The following LRP1B variants were observed in gnomAD, a reference collection of about 807,000 sequenced individuals.
LRP1B encodes LDL receptor related protein 1B.
A neutral mutation model predicts 556.6 loss-of-function variants in LRP1B; 217 were observed. That is an observed-to-expected ratio of 0.39 (90% CI 0.35 to 0.44). The LOEUF (loss-of-function observed/expected upper bound fraction) is 0.44. LRP1B is among the 20% of genes least tolerant of loss of function. The pLI is 1.00. For synonymous variants in LRP1B, 2,047 were observed against 1,865.8 expected (o/e 1.10, Z -2.50); for missense variants, 5,053 against 5,620.8 (o/e 0.90, Z 3.23).
At chr2:140,501,622 A>C (rs1027632562) in intron 55 of LRP1B, 65 bp downstream of exon 55, 6 of 1,220,038 alleles carry the variant, frequency 4.9e-6, no homozygotes, top group Non-Finnish European at 6.7e-6. Flanking sequence ...ATATTGGATT[A>C]AATAGCTTTC....
intron 3 of LRP1B, among the ~76,000 whole-genome samples, chr2:141,475,296 G>A (rs1682657365): frequency 6.6e-6 from 1 of 152,172 alleles, no homozygotes; most frequent in Admixed American, 6.5e-5. Context: ...AAACCTGGGA[G>A]GGGGAGGTTG....
At chr2:140,565,226 T>C (rs985260591) in intron 43 of LRP1B, among the ~76,000 whole-genome samples, 6 of 106,600 alleles carry the variant, frequency 5.6e-5, no homozygotes, top group African/African-American at 1.9e-4. Flanking sequence ...TTGCTGAACT[T>C]TTACATGAAC....
At chr2:141,007,637 T>C (rs980330744) in intron 14 of LRP1B, among the ~76,000 whole-genome samples, 6 of 151,836 alleles carry the variant, frequency 4.0e-5, no homozygotes, top group African/African-American at 1.4e-4. Flanking sequence ...GATGAAATTG[T>C]ATATTTAATA....
chr2:140,320,311 TTAAAGAATA>T (rs1188849366), intron 82 of LRP1B, among the ~76,000 whole-genome samples: 1 of 152,148 alleles, frequency 6.6e-6, no homozygotes, highest in Non-Finnish European at 1.5e-5. Flanking sequence ...TATCAAATGC[TTAAAGAATA>T]TAAAATGAAA....
chr2:140,662,157 A>G (rs1685119668), intron 41 of LRP1B, among the ~76,000 whole-genome samples: 1 of 151,964 alleles, frequency 6.6e-6, no homozygotes, highest in Admixed American at 6.6e-5. Context: ...TATATCCATT[A>G]TATATTACTA....
intron 23 of LRP1B, among the ~76,000 whole-genome samples, chr2:140,896,024 C>T (rs1200496235): frequency 6.6e-6 from 1 of 152,102 alleles, no homozygotes; most frequent in Non-Finnish European, 1.5e-5. Flanking sequence ...CACTTTGGGC[C>T]ACGGGTCCAA....
chr2:141,470,970 G>T (rs143157087), intron 3 of LRP1B, among the ~76,000 whole-genome samples: 3 of 152,188 alleles, frequency 2.0e-5, no homozygotes, highest in Admixed American at 6.5e-5. Flanking sequence ...TATTTGAAAA[G>T]GATTTTGCTT....
intron 41 of LRP1B, among the ~76,000 whole-genome samples, chr2:140,681,949 G>C (rs901079905): frequency 6.6e-6 from 1 of 152,170 alleles, no homozygotes; most frequent in African/African-American, 2.4e-5. Flanking sequence ...ATGAATGGGA[G>C]AAACAAGAAA....
chr2:141,308,591 T>C (rs560374800), intron 3 of LRP1B, among the ~76,000 whole-genome samples: 61 of 152,306 alleles, frequency 4.0e-4, no homozygotes, highest in African/African-American at 1.5e-3. Flanking sequence ...GTACTGCCTA[T>C]TATAAAAATC....
At chr2:141,265,936 T>A (rs1684869799) in intron 3 of LRP1B, among the ~76,000 whole-genome samples, 1 of 152,162 alleles carries the variant, frequency 6.6e-6, no homozygotes, top group Non-Finnish European at 1.5e-5. Context: ...ACGTCCTACC[T>A]CTCCTTTAGT....
chr2:141,774,668 C>T (rs1695001870), intron 2 of LRP1B, among the ~76,000 whole-genome samples: 1 of 152,192 alleles, frequency 6.6e-6, no homozygotes, highest in African/African-American at 2.4e-5. Context: ...GTTTACAGTA[C>T]AGAACTTTTG....
chr2:141,360,575 C>T (rs1271556464), intron 3 of LRP1B, among the ~76,000 whole-genome samples: 1 of 152,130 alleles, frequency 6.6e-6, no homozygotes, highest in African/African-American at 2.4e-5. Flanking sequence ...AAGACATATA[C>T]TCCAGGTAAT....
intron 43 of LRP1B, among the ~76,000 whole-genome samples, chr2:140,572,104 A>G (rs956299434): frequency 6.6e-6 from 1 of 151,788 alleles, no homozygotes; most frequent in African/African-American, 2.4e-5. Context: ...TATGAAAAAG[A>G]CCTCACAAAC....
intron 43 of LRP1B, among the ~76,000 whole-genome samples, chr2:140,575,881 C>T (rs1181159844): frequency 6.6e-6 from 1 of 151,790 alleles, no homozygotes; most frequent in Non-Finnish European, 1.5e-5. Context: ...GAGATCACGC[C>T]ACTGCACTCC....
chr2:141,220,876 G>T (rs1488030143), intron 6 of LRP1B, among the ~76,000 whole-genome samples: 1 of 151,906 alleles, frequency 6.6e-6, no homozygotes, highest in Non-Finnish European at 1.5e-5. Context: ...CAAATACTGA[G>T]GGAATTCATT....
chr2:141,621,120 TCCAA>T (rs1688492927), intron 2 of LRP1B, among the ~76,000 whole-genome samples: 2 of 152,154 alleles, frequency 1.3e-5, no homozygotes, highest in Admixed American at 1.3e-4. Flanking sequence ...CCTGGTGAGC[TCCAA>T]CCCTCATATG....
chr2:140,243,018 G>A (rs1388793240), intron 87 of LRP1B, among the ~76,000 whole-genome samples: 1 of 151,002 alleles, frequency 6.6e-6, no homozygotes. Context: ...AGTCTCAGCG[G>A]AAGTATCACC....
chr2:141,234,403 G>A (rs1683579808), intron 5 of LRP1B, among the ~76,000 whole-genome samples: 1 of 151,916 alleles, frequency 6.6e-6, no homozygotes, highest in African/African-American at 2.4e-5. Flanking sequence ...TTGAGACAGA[G>A]TCTTGCTCTG....
rs567295253 is a variant in LRP1B, at chr2:140,524,117, T to G, written c.8026+1727A>C. 5.2e-5 allele frequency among the ~76,000 whole-genome samples: 6 copies of G among 116,006 alleles called. No homozygotes were observed. The East Asian group carries it at 1.3e-3, about 25-fold the overall frequency. 76.1% of individuals were successfully genotyped at this position (116,006 alleles called of 152,430 possible). Reference sequence around the variant, plus strand: ...AGAATCTATAAGGAATTTAAATAAATCAATAAGAAATAAAAAAAACAAATA... The same window carrying G: ...AGAATCTATAAGGAATTTAAATAAAGCAATAAGAAATAAAAAAAACAAATA... On this transcript the variant is annotated intron_variant, in intron 49 of 90. Coordinates refer to ENST00000389484, the MANE Select transcript of LRP1B (RefSeq NM_018557.3).
Sources: allele counts gnomAD v4.1 joint callset (sites outside exome capture counted in the v4.1 genomes callset), GRCh38; gene constraint gnomAD v4.1.1; transcripts MANE v1.5; gene names NCBI Gene and HGNC (gene_info 2026-07-23, HGNC 2026-07-21).